MCC: variants seen among roughly 807,000 people sequenced by gnomAD.
MCC encodes the protein MCC regulator of Wnt signaling pathway.
Under a neutral mutation model 116.2 loss-of-function variants are expected in MCC, and 90 were observed. The ratio of observed to expected loss-of-function variants is 0.77; its 90% CI spans 0.65 to 0.92. The LOEUF is 0.92. Among genes scored for constraint, MCC ranks in the 40% least tolerant of loss-of-function variants. The pLI, the probability that MCC is intolerant of heterozygous loss-of-function variation, is 0.00. For missense variants in MCC, 1,516 were observed against 1,312.2 expected, an observed-to-expected ratio of 1.16 and a Z score of -2.40; for synonymous variants, 578 against 510.5, an observed-to-expected ratio of 1.13 and a Z score of -1.78.
intron 9 of MCC, among the ~76,000 whole-genome samples, chr5:113,084,657 C>G (rs970959401): frequency 6.6e-6 from 1 of 152,254 alleles, no homozygotes; most frequent in Non-Finnish European, 1.5e-5. Context: ...TTTTAATCAT[C>G]TGAGACAGAC....
At chr5:113,426,560 C>T (rs1249899733) in intron 1 of MCC, among the ~76,000 whole-genome samples, 1 of 152,154 alleles carries the variant, frequency 6.6e-6, no homozygotes, top group African/African-American at 2.4e-5. Context: ...ATGCCCGAAA[C>T]ATGGTACCTG....
At chr5:113,438,462 T>A (rs1770930888) in intron 1 of MCC, among the ~76,000 whole-genome samples, 1 of 152,118 alleles carries the variant, frequency 6.6e-6, no homozygotes, top group South Asian at 2.1e-4. Flanking sequence ...CCTAGTTATC[T>A]TACAGAGGCA....
intron 3 of MCC, among the ~76,000 whole-genome samples, chr5:113,191,927 A>G (rs1383534821): frequency 1.3e-5 from 2 of 152,182 alleles, no homozygotes; most frequent in Admixed American, 1.3e-4. Context: ...TGCATGTGCT[A>G]AGTACTGTAC....
chr5:113,238,666 A>G (rs967508663), intron 3 of MCC, among the ~76,000 whole-genome samples: 11 of 152,250 alleles, frequency 7.2e-5, no homozygotes, highest in Non-Finnish European at 1.3e-4. Context: ...AAAAAATGTC[A>G]GCACATTTGA....
chr5:113,288,163 G>A (rs1766334498), intron 3 of MCC, among the ~76,000 whole-genome samples: 1 of 152,232 alleles, frequency 6.6e-6, no homozygotes, highest in South Asian at 2.1e-4. Flanking sequence ...GTCAGCCGCT[G>A]CCTTGCCATG....
intron 2 of MCC, among the ~76,000 whole-genome samples, chr5:113,370,204 C>T (rs1298453534): frequency 6.6e-6 from 1 of 152,054 alleles, no homozygotes; most frequent in Non-Finnish European, 1.5e-5. Context: ...CCTCATAATC[C>T]CAACTGTTGC....
At chr5:113,195,927 T>C (rs1422015009) in intron 3 of MCC, among the ~76,000 whole-genome samples, 6 of 152,116 alleles carry the variant, frequency 3.9e-5, no homozygotes, top group Non-Finnish European at 8.8e-5. Context: ...CTGGCTTCTT[T>C]TGCATCTGTC....
At chr5:113,031,389 A>C (rs1372091051) in intron 17 of MCC, among the ~76,000 whole-genome samples, 1 of 151,950 alleles carries the variant, frequency 6.6e-6, no homozygotes, top group Non-Finnish European at 1.5e-5. Flanking sequence ...GTGTTGCAGG[A>C]GGGGGGCTCC....
intron 12 of MCC, among the ~76,000 whole-genome samples, chr5:113,070,775 A>G (rs544377008): frequency 4.6e-5 from 7 of 152,390 alleles, no homozygotes; most frequent in Non-Finnish European, 2.9e-5. Flanking sequence ...CACTAGATTT[A>G]TAACAATGTA....
intron 3 of MCC, among the ~76,000 whole-genome samples, chr5:113,263,901 C>T (rs986952084): frequency 1.7e-4 from 25 of 151,454 alleles, no homozygotes; most frequent in African/African-American, 6.1e-4. Context: ...GGAAATAAAA[C>T]CAGTGGCCTT....
Position 113,199,936 on chromosome 5 carries a change from A to G in MCC, c.628-48514T>C, listed in dbSNP as rs1225102810. Among the ~76,000 whole-genome samples, 7 of 152,234 alleles carry G rather than the reference A, an allele frequency of 4.6e-5. No homozygotes were observed. In the East Asian group the frequency reaches 1.3e-3, roughly 29 times the overall value. ...GTGAAGGCTATTGATTTTGAAAGAT[A>G]AAAGTGGCCAAGCAACACATATGGG... is the stretch of plus-strand genomic sequence containing the variant. On this transcript the variant is annotated intron_variant, in intron 3 of 18. Transcript: ENST00000408903.
chr5:113,183,506 C>T (rs1462129174), intron 3 of MCC, among the ~76,000 whole-genome samples: 1 of 149,276 alleles, frequency 6.7e-6, no homozygotes, highest in African/African-American at 2.6e-5. Context: ...AGTCAGCTAC[C>T]TCCCTCCCCC....
chr5:113,378,321 CTTTATTT>C (rs2150391314), intron 2 of MCC, among the ~76,000 whole-genome samples: 1 of 152,144 alleles, frequency 6.6e-6, no homozygotes, highest in African/African-American at 2.4e-5. Flanking sequence ...AACTTCAGTA[CTTTATTT>C]TTTCCTTAGA....
intron 17 of MCC, among the ~76,000 whole-genome samples, chr5:113,033,381 C>T (rs1214919662): frequency 2.0e-5 from 3 of 152,208 alleles, no homozygotes; most frequent in Non-Finnish European, 4.4e-5. Context: ...ACGGGGCTCA[C>T]TTTATCAAGT....
intron 3 of MCC, among the ~76,000 whole-genome samples, chr5:113,152,291 G>C (rs1290175366): frequency 6.6e-6 from 1 of 152,148 alleles, no homozygotes; most frequent in African/African-American, 2.4e-5. Flanking sequence ...TGCCTTCTGT[G>C]ATTTTCAGGC....
chr5:113,399,101 A>G (rs1376147154), intron 1 of MCC, among the ~76,000 whole-genome samples: 5 of 152,250 alleles, frequency 3.3e-5, no homozygotes, highest in African/African-American at 7.2e-5. Context: ...TTCATCACAG[A>G]AAGTTCTAAC....
At chr5:113,233,971 G>C (rs116771263) in intron 3 of MCC, among the ~76,000 whole-genome samples, 1,746 of 152,282 alleles carry the variant, frequency 0.011, 10 homozygotes, top group Middle Eastern at 0.024. Context: ...ATATGCAAAA[G>C]AGTAAGTCCT....
chr5:113,239,447 T>C (rs1764278168), intron 3 of MCC, among the ~76,000 whole-genome samples: 1 of 152,090 alleles, frequency 6.6e-6, no homozygotes, highest in African/African-American at 2.4e-5. Flanking sequence ...ACACCTTTAG[T>C]TTAGGCCCCT....
At position 113,155,999 on chromosome 5, in the gene MCC, T is replaced by C. The variant is rs567263454; in HGVS notation, c.628-4577A>G. The stretch of plus-strand genomic sequence containing the variant: ...TTGAGAGGGCACATCCTTTTTCCTT[T>C]CATCCATCCTTGCTGTTTGGTATCT... On this transcript the variant is annotated intron_variant, in intron 3 of 18. Coordinates refer to ENST00000408903, the MANE Select transcript of MCC (RefSeq NM_001085377.2). Among the ~76,000 whole-genome samples, 3 of 152,304 alleles carry C rather than the reference T, an allele frequency of 2.0e-5. No individual in the cohort carries two copies. In the South Asian group the frequency reaches 6.2e-4, roughly 32 times the overall value.
Sources: gnomAD v4.1 joint callset for allele counts (sites outside exome capture counted in the v4.1 genomes callset) on GRCh38, gnomAD v4.1.1 for gene constraint, MANE v1.5 for transcripts, NCBI Gene and HGNC (gene_info 2026-07-23, HGNC 2026-07-21) for gene names.